ADAMTS12: variants seen among roughly 807,000 people sequenced by gnomAD.
ADAMTS12 encodes ADAM metallopeptidase with thrombospondin type 1 motif 12, also known as A disintegrin and metalloproteinase with thrombospondin motifs 12.
A neutral mutation model predicts 167.8 loss-of-function variants in ADAMTS12; 118 were observed. The observed-to-expected ratio is 0.70, with a 90% confidence interval of 0.61 to 0.82. The LOEUF is 0.82. Ranked by LOEUF, ADAMTS12 falls within the 40% of genes least tolerant of loss-of-function variation. The pLI is 0.00. For synonymous variants in ADAMTS12, 704 were observed against 716.9 expected, an observed-to-expected ratio of 0.98 and a Z score of 0.29; for missense variants, 1,916 against 1,998.8, an observed-to-expected ratio of 0.96 and a Z score of 0.79.
intron 2 of ADAMTS12, among the ~76,000 whole-genome samples, chr5:33,762,203 T>C (rs1745382472): frequency 7.6e-6 from 1 of 131,868 alleles, no homozygotes; most frequent in Non-Finnish European, 1.6e-5. Flanking sequence ...CTCAAAAAAA[T>C]AATAAAAATA....
chr5:33,667,917 C>G (rs1020237364), intron 5 of ADAMTS12, among the ~76,000 whole-genome samples: 1 of 152,160 alleles, frequency 6.6e-6, no homozygotes, highest in Non-Finnish European at 1.5e-5. Context: ...GAAAGACTTT[C>G]CTCAATTAAC....
intron 8 of ADAMTS12, 21 bp downstream of exon 8, chr5:33,649,532 GT>G: frequency 6.2e-7 from 1 of 1,610,552 alleles, no homozygotes; most frequent in Non-Finnish European, 8.5e-7. Context: ...AGGTGAGGGC[GT>G]CATGAGACAC....
At chr5:33,539,721 A>G (rs1405093967) in intron 22 of ADAMTS12, among the ~76,000 whole-genome samples, 2 of 152,338 alleles carry the variant, frequency 1.3e-5, no homozygotes, top group South Asian at 2.1e-4. Flanking sequence ...TACAATGAGT[A>G]TAGATTATTT....
intron 3 of ADAMTS12, among the ~76,000 whole-genome samples, chr5:33,711,408 A>T (rs148919212): frequency 2.0e-5 from 3 of 152,274 alleles, no homozygotes; most frequent in African/African-American, 7.2e-5. Context: ...GAAACACATA[A>T]GAAATATTTT....
chr5:33,861,394 C>T (rs1400196895), intron 2 of ADAMTS12, among the ~76,000 whole-genome samples: 1 of 152,064 alleles, frequency 6.6e-6, no homozygotes, highest in Non-Finnish European at 1.5e-5. Context: ...TCTGATAAAA[C>T]AGACTTTAAG....
At chr5:33,568,985 C>T (rs1403453544) in intron 19 of ADAMTS12, among the ~76,000 whole-genome samples, 1 of 152,240 alleles carries the variant, frequency 6.6e-6, no homozygotes, top group East Asian at 1.9e-4. Flanking sequence ...CGGAGTCTCG[C>T]TGATTGCTAG....
chr5:33,542,737 A>T (rs988967410), intron 22 of ADAMTS12, among the ~76,000 whole-genome samples: 4 of 152,216 alleles, frequency 2.6e-5, no homozygotes, highest in African/African-American at 7.2e-5. Context: ...CTATATGGAA[A>T]CTGAACAACT....
At chr5:33,749,012 A>T (rs1744885407) in intron 3 of ADAMTS12, among the ~76,000 whole-genome samples, 2 of 152,340 alleles carry the variant, frequency 1.3e-5, no homozygotes, top group Non-Finnish European at 1.5e-5. Flanking sequence ...AGGAAGAGAG[A>T]TGATCACACA....
chr5:33,624,739 T>C lies in ADAMTS12; in HGVS notation c.2023-388A>G, dbSNP rs1739501392. 2.6e-5 allele frequency among the ~76,000 whole-genome samples: 4 copies of C among 152,214 alleles called. 2 individuals carry two copies. The South Asian group carries it at 8.3e-4, about 32-fold the overall frequency. On this transcript the variant is annotated intron_variant, in intron 13 of 23. Coordinates refer to ENST00000504830, the MANE Select transcript of ADAMTS12 (RefSeq NM_030955.4). ...GAGAGCCACGAAGCTTGGGGTGTTC[T>C]GTGGGAGTGGATACCAAAGAATCAT...
chr5:33,740,591 G>A (rs1199215715), intron 3 of ADAMTS12, among the ~76,000 whole-genome samples: 1 of 152,154 alleles, frequency 6.6e-6, no homozygotes, highest in Admixed American at 6.5e-5. Context: ...GGGATGGGGG[G>A]GATGATTGCT....
chr5:33,811,970 G>A (rs1269407202), intron 2 of ADAMTS12, among the ~76,000 whole-genome samples: 1 of 152,146 alleles, frequency 6.6e-6, no homozygotes, highest in Non-Finnish European at 1.5e-5. Flanking sequence ...TGACATAAAC[G>A]ATAGGGAAGC....
chr5:33,574,322 C>A (rs1746553148), intron 19 of ADAMTS12, among the ~76,000 whole-genome samples: 1 of 151,926 alleles, frequency 6.6e-6, no homozygotes, highest in South Asian at 2.1e-4. Flanking sequence ...GCACTATTCA[C>A]AATAGCAAAG....
chr5:33,880,986 A>G, intron 2 of ADAMTS12, 133 bp downstream of exon 2: 1 of 1,337,876 alleles, frequency 7.5e-7, no homozygotes, highest in Non-Finnish European at 1.0e-6. Flanking sequence ...ACCACTTTGG[A>G]GGCCAGGATC....
At chr5:33,744,980 A>T (rs1744727894) in intron 3 of ADAMTS12, among the ~76,000 whole-genome samples, 1 of 152,160 alleles carries the variant, frequency 6.6e-6, no homozygotes, top group Non-Finnish European at 1.5e-5. Flanking sequence ...CTTCTGGCCA[A>T]TTAAAAAAAA....
chr5:33,588,311 A>G (rs2453289), intron 18 of ADAMTS12, among the ~76,000 whole-genome samples: 55,652 of 151,966 alleles, frequency 0.37, 10,610 homozygotes, highest in East Asian at 0.63. Context: ...GGGCCTGGCC[A>G]AGCTTCTGAT....
intron 1 of ADAMTS12, among the ~76,000 whole-genome samples, chr5:33,888,729 A>C (rs1268740396): frequency 6.6e-6 from 1 of 152,182 alleles, no homozygotes; most frequent in Non-Finnish European, 1.5e-5. Flanking sequence ...GGGGTAAACA[A>C]ACCTAAGGGG....
At chr5:33,779,534 C>T (rs985717839) in intron 2 of ADAMTS12, among the ~76,000 whole-genome samples, 1 of 152,228 alleles carries the variant, frequency 6.6e-6, no homozygotes, top group Admixed American at 6.5e-5. Flanking sequence ...CTCATTGCAG[C>T]ATTATTCGCA....
At chr5:33,794,590 A>G (rs1043038523) in intron 2 of ADAMTS12, among the ~76,000 whole-genome samples, 4 of 140,110 alleles carry the variant, frequency 2.9e-5, no homozygotes, top group Non-Finnish European at 6.3e-5. Flanking sequence ...TCTGCTGGCA[A>G]TGGAGACCGA....
chr5:33,628,943 T>G (rs767141230), intron 13 of ADAMTS12, among the ~76,000 whole-genome samples: 8 of 152,194 alleles, frequency 5.3e-5, no homozygotes, highest in Non-Finnish European at 1.2e-4. Flanking sequence ...TTCACTTGAT[T>G]GGCCTCAAGA....
Sources: gnomAD v4.1 joint callset for allele counts (sites outside exome capture counted in the v4.1 genomes callset) on GRCh38, gnomAD v4.1.1 for gene constraint, MANE v1.5 for transcripts, NCBI Gene and HGNC (gene_info 2026-07-23, HGNC 2026-07-21) for gene names.